FGGY: variants seen among roughly 807,000 people sequenced by gnomAD.
FGGY encodes FGGY carbohydrate kinase domain-containing protein.
In FGGY, 72 loss-of-function variants were observed where a neutral mutation model predicts 71.3. The observed-to-expected ratio is 1.01, with a 90% CI of 0.84 to 1.23. FGGY has a LOEUF of 1.23. Ranked by LOEUF, FGGY falls within the 50% of genes most tolerant of loss-of-function variation. The pLI, the probability that FGGY is intolerant of heterozygous loss-of-function variation, is 0.00. For synonymous variants in FGGY, 251 were observed against 250.3 expected, an observed-to-expected ratio of 1.00 and a Z score of -0.02; for missense variants, 668 against 682.3, an observed-to-expected ratio of 0.98 and a Z score of 0.23.
intron 5 of FGGY, 94 bp downstream of exon 5, chr1:59,378,931 C>T (rs1446451750): frequency 9.6e-7 from 1 of 1,037,030 alleles, no homozygotes; most frequent in South Asian, 1.4e-5. Flanking sequence ...ACTGGATATA[C>T]TTTTGGTACA....
At chr1:59,522,311 C>T (rs992559179) in intron 7 of FGGY, among the ~76,000 whole-genome samples, 28 of 152,296 alleles carry the variant, frequency 1.8e-4, no homozygotes, top group African/African-American at 5.8e-4. Flanking sequence ...CCTTTACTTA[C>T]GTTAGCCCAT....
In FGGY at chr1:59,486,707, A is replaced by G. The variant is rs963177715; in HGVS notation, c.671-25604A>G. On this transcript the variant is annotated intron_variant, in intron 6 of 15. Transcript: ENST00000303721. ...GTCTCAGAAAAAAATGACATGACCTATATGGAGTCTCTCCTAAGTAGACCA... is the reference window on the plus strand; with the variant it reads ...GTCTCAGAAAAAAATGACATGACCTGTATGGAGTCTCTCCTAAGTAGACCA... Among the ~76,000 whole-genome samples, 4 of 152,132 alleles carry G rather than the reference A, an allele frequency of 2.6e-5. No homozygotes were observed. The East Asian group carries it at 7.7e-4, about 29-fold the overall frequency.
chr1:59,590,406 G>T lies in FGGY; in HGVS notation c.904-17397G>T, dbSNP rs544094351. Among the ~76,000 whole-genome samples, 9 of 152,248 alleles carry T rather than the reference G, an allele frequency of 5.9e-5. No homozygotes were observed. In the South Asian group the frequency reaches 1.7e-3, roughly 28 times the overall value. ...CCTTCTGAAACTATTCCAATCAATA[G>T]AAAAAGAGGTTATCCTCCCTAACTC... is the stretch of plus-strand genomic sequence containing the variant. On this transcript the variant is annotated intron_variant, in intron 8 of 15. Transcript: ENST00000303721.
chr1:59,721,066 A>C (rs938799155), intron 14 of FGGY, among the ~76,000 whole-genome samples: 3 of 152,070 alleles, frequency 2.0e-5, no homozygotes, highest in African/African-American at 4.8e-5. Context: ...ATCTCTGCTC[A>C]AATGTCATTT....
chr1:59,614,954 A>G (rs573157842), intron 9 of FGGY, among the ~76,000 whole-genome samples: 1 of 152,344 alleles, frequency 6.6e-6, no homozygotes, highest in African/African-American at 2.4e-5. Context: ...GATGTGAATG[A>G]CCTCTTCAAG....
At chr1:59,641,181 T>G in intron 11 of FGGY, 6 of 800,116 alleles carry the variant, frequency 7.5e-6, no homozygotes, top group Non-Finnish European at 4.1e-6. Context: ...TGTGAATGTC[T>G]ACAATTTTGG....
At chr1:59,595,972 C>T (rs2096519003) in intron 8 of FGGY, among the ~76,000 whole-genome samples, 6 of 152,238 alleles carry the variant, frequency 3.9e-5, no homozygotes, top group Admixed American at 3.3e-4. Flanking sequence ...AATACTGTTA[C>T]TCTGAAGCCA....
intron 8 of FGGY, among the ~76,000 whole-genome samples, chr1:59,563,679 A>C (rs970362402): frequency 6.6e-6 from 1 of 152,228 alleles, no homozygotes; most frequent in African/African-American, 2.4e-5. Flanking sequence ...TCACACAATT[A>C]GAAAAAACTA....
chr1:59,374,455 G>A (rs1328014303), intron 4 of FGGY, among the ~76,000 whole-genome samples: 1 of 152,158 alleles, frequency 6.6e-6, no homozygotes, highest in Non-Finnish European at 1.5e-5. Context: ...CACTGTTGTT[G>A]GGACTGTAAA....
At chr1:59,724,965 T>G (rs1401099152) in intron 14 of FGGY, among the ~76,000 whole-genome samples, 1 of 152,226 alleles carries the variant, frequency 6.6e-6, no homozygotes, top group Non-Finnish European at 1.5e-5. Flanking sequence ...AGTTTTAGAA[T>G]TTTAGTGATC....
At position 59,728,367 on chromosome 1, in the gene FGGY, T is replaced by G. The variant is rs1159864262; in HGVS notation, c.1513-29564T>G. Among the ~76,000 whole-genome samples the G allele has an allele frequency of 2.0e-5, 3 of 152,078 alleles. No individual in the cohort carries two copies. In the East Asian group the frequency reaches 5.8e-4, roughly 29 times the overall value. On this transcript the variant is annotated intron_variant, in intron 14 of 15. Transcript: ENST00000303721. The stretch of plus-strand genomic sequence containing the variant: ...ATAACATTGCTGTAATTTATTTCAT[T>G]TATCCATTTGCTATAATTACTCAAT...
intron 5 of FGGY, among the ~76,000 whole-genome samples, chr1:59,397,500 A>AGAAAGCAG (rs2061462956): frequency 6.6e-6 from 1 of 152,244 alleles, no homozygotes; most frequent in African/African-American, 2.4e-5. Flanking sequence ...CATGGAGGAA[A>AGAAAGCAG]GAAAGCAGGT....
At chr1:59,701,538 T>C (rs1242537655) in intron 14 of FGGY, among the ~76,000 whole-genome samples, 1 of 152,162 alleles carries the variant, frequency 6.6e-6, no homozygotes, top group Non-Finnish European at 1.5e-5. Flanking sequence ...CAGTCCCTGC[T>C]CTCAAGTTTC....
At chr1:59,668,780 C>T (rs1328296508) in intron 13 of FGGY, among the ~76,000 whole-genome samples, 3 of 151,430 alleles carry the variant, frequency 2.0e-5, no homozygotes, top group African/African-American at 7.3e-5. Context: ...GTCAGGAGTT[C>T]GAGACCAGCC....
intron 10 of FGGY, among the ~76,000 whole-genome samples, chr1:59,634,651 A>C (rs2153880210): frequency 6.6e-6 from 1 of 152,290 alleles, no homozygotes; most frequent in South Asian, 2.1e-4. Context: ...TTAAGATCAC[A>C]AGCAATAGGT....
chr1:59,655,285 C>T (rs868231134), intron 11 of FGGY, among the ~76,000 whole-genome samples: 1 of 152,146 alleles, frequency 6.6e-6, no homozygotes, highest in African/African-American at 2.4e-5. Flanking sequence ...GTTTACTTTA[C>T]GTTCTGGGAT....
chr1:59,520,587 C>T (rs116574249), intron 7 of FGGY, among the ~76,000 whole-genome samples: 26 of 152,282 alleles, frequency 1.7e-4, no homozygotes, highest in African/African-American at 6.3e-4. Context: ...TTTGTATGCC[C>T]ATCATCCAGC....
intron 14 of FGGY, chr1:59,699,428 A>G: frequency 1.0e-6 from 1 of 983,976 alleles, no homozygotes; most frequent in Non-Finnish European, 1.2e-6. Flanking sequence ...TGCAATAGTG[A>G]CACCTAGGGG....
chr1:59,510,253 C>A (rs1466721495), intron 6 of FGGY, among the ~76,000 whole-genome samples: 1 of 152,056 alleles, frequency 6.6e-6, no homozygotes, highest in African/African-American at 2.4e-5. Flanking sequence ...CTGTAAACCA[C>A]AATTTTCCCA....
Sources: allele counts gnomAD v4.1 joint callset (sites outside exome capture counted in the v4.1 genomes callset), GRCh38; gene constraint gnomAD v4.1.1; transcripts MANE v1.5; gene names NCBI Gene and HGNC (gene_info 2026-07-23, HGNC 2026-07-21).